The following LINGO2 variants were observed in gnomAD, a reference collection of about 807,000 sequenced individuals.
LINGO2 encodes the protein leucine rich repeat and Ig domain containing 2.
A neutral mutation model predicts 30.6 loss-of-function variants in LINGO2; 14 were observed. The ratio of observed to expected loss-of-function variants is 0.46; its 90% CI spans 0.30 to 0.72. LINGO2 has a LOEUF of 0.72. Ranked by LOEUF, LINGO2 falls within the 30% of genes least tolerant of loss-of-function variation. The pLI, the probability that LINGO2 is intolerant of heterozygous loss-of-function variation, is 0.07. For synonymous variants in LINGO2, 317 were observed against 288.5 expected, an observed-to-expected ratio of 1.10 and a Z score of -1.00; for missense variants, 729 against 751.7, an observed-to-expected ratio of 0.97 and a Z score of 0.35.
intron 4 of LINGO2, among the ~76,000 whole-genome samples, chr9:28,157,259 C>A (rs1828157704): frequency 6.6e-6 from 1 of 152,168 alleles, no homozygotes; most frequent in African/African-American, 2.4e-5. Context: ...TCTGTGCACC[C>A]ACACGCTCAA....
At chr9:28,222,448 C>A (rs1820998951) in intron 4 of LINGO2, among the ~76,000 whole-genome samples, 1 of 151,878 alleles carries the variant, frequency 6.6e-6, no homozygotes, top group Non-Finnish European at 1.5e-5. Flanking sequence ...ACAAAAAACC[C>A]ATTGGCATAC....
chr9:28,446,001 T>C (rs961877048), intron 2 of LINGO2, among the ~76,000 whole-genome samples: 1 of 152,214 alleles, frequency 6.6e-6, no homozygotes, highest in African/African-American at 2.4e-5. Flanking sequence ...TTTGAGGATA[T>C]ATATCACAAT....
the LINGO2 span, among the ~76,000 whole-genome samples, chr9:28,932,556 A>G: frequency 6.6e-6 from 1 of 152,182 alleles, no homozygotes; most frequent in Non-Finnish European, 1.5e-5. Context: ...TGACATAGGC[A>G]CTTTTAAATC....
At chr9:28,110,081 A>G (rs12115724) in intron 4 of LINGO2, among the ~76,000 whole-genome samples, 34,448 of 152,090 alleles carry the variant, frequency 0.23, 5,276 homozygotes, top group African/African-American at 0.44. Flanking sequence ...AGACCTCAGA[A>G]ATAACACCAC....
intron 1 of LINGO2, among the ~76,000 whole-genome samples, chr9:28,605,416 T>C (rs1307717385): frequency 6.6e-6 from 1 of 151,970 alleles, no homozygotes; most frequent in African/African-American, 2.4e-5. Flanking sequence ...GACTCTGAAA[T>C]GTTAATTCCC....
intron 1 of LINGO2, among the ~76,000 whole-genome samples, chr9:28,634,287 G>A (rs2087790645): frequency 6.6e-6 from 1 of 152,024 alleles, no homozygotes; most frequent in South Asian, 2.1e-4. Flanking sequence ...AGGGAATGTT[G>A]TGTAACTATC....
chr9:28,853,249 T>C, the LINGO2 span, among the ~76,000 whole-genome samples: 1 of 152,042 alleles, frequency 6.6e-6, no homozygotes, highest in Non-Finnish European at 1.5e-5. Flanking sequence ...AAAGTCCTTT[T>C]GAAACTCCAG....
intron 4 of LINGO2, among the ~76,000 whole-genome samples, chr9:28,141,504 G>C (rs1481496298): frequency 6.6e-6 from 1 of 152,140 alleles, no homozygotes; most frequent in Non-Finnish European, 1.5e-5. Context: ...AATAATTTAA[G>C]GGATTCAAGA....
At chr9:28,647,881 TTTTC>T (rs1161540376) in intron 1 of LINGO2, among the ~76,000 whole-genome samples, 3 of 113,238 alleles carry the variant, frequency 2.6e-5, no homozygotes, top group Non-Finnish European at 5.3e-5. Context: ...TGATATTTCT[TTTTC>T]TTTCTTTCTT....
chr9:28,058,662 T>C (rs1825039452), intron 4 of LINGO2, among the ~76,000 whole-genome samples: 1 of 152,132 alleles, frequency 6.6e-6, no homozygotes. Context: ...ATTTCTATTA[T>C]AAACATTCAG....
At chr9:27,938,044 T>C in the LINGO2 span, 1 of 152,176 alleles carries the variant, frequency 6.6e-6, no homozygotes, top group African/African-American at 2.4e-5. Context: ...CCCTTGAAGA[T>C]ATCCATTCAA....
chr9:29,099,011 T>TG, the LINGO2 span, among the ~76,000 whole-genome samples: 1 of 152,112 alleles, frequency 6.6e-6, no homozygotes, highest in Admixed American at 6.5e-5. Flanking sequence ...CAAAACAGTA[T>TG]AGCACTGGCA....
intron 1 of LINGO2, among the ~76,000 whole-genome samples, chr9:28,625,772 A>G (rs1826635268): frequency 6.6e-6 from 1 of 152,122 alleles, no homozygotes; most frequent in Admixed American, 6.6e-5. Flanking sequence ...AAAGAAAGAT[A>G]TTAATGTAGT....
At chr9:29,000,954 A>G in the LINGO2 span, among the ~76,000 whole-genome samples, 1 of 152,020 alleles carries the variant, frequency 6.6e-6, no homozygotes, top group African/African-American at 2.4e-5. Context: ...AATTTAAGGA[A>G]TAATATCAGA....
the LINGO2 span, among the ~76,000 whole-genome samples, chr9:28,693,692 G>C: frequency 6.6e-6 from 1 of 152,096 alleles, no homozygotes; most frequent in Non-Finnish European, 1.5e-5. Flanking sequence ...GCTCTGAAAT[G>C]TCAGGGCAAT....
chr9:28,400,197 T>C (rs773179792), intron 2 of LINGO2, among the ~76,000 whole-genome samples: 1 of 152,104 alleles, frequency 6.6e-6, no homozygotes, highest in African/African-American at 2.4e-5. Context: ...GCCTATTTTG[T>C]GAAGAGAATT....
the LINGO2 span, among the ~76,000 whole-genome samples, chr9:29,160,440 T>A: frequency 5.9e-5 from 9 of 152,244 alleles, no homozygotes; most frequent in South Asian, 1.7e-3. Flanking sequence ...TTTCAGAGTG[T>A]TTGTGAAAAT....
At position 28,292,889 on chromosome 9, in the gene LINGO2, G is replaced by A. The variant is rs10968443; in HGVS notation, c.-87+2319C>T. On this transcript the variant is annotated intron_variant, in intron 4 of 5. Coordinates refer to ENST00000379992, the Ensembl canonical transcript of LINGO2. ...GGGTTCATGCCATTCTCCTGTCTCA[G>A]CCTCCTGAGTAGCTGGGACTACAGG... Among the ~76,000 whole-genome samples, 2,437 of 151,940 alleles carry A rather than the reference G, an allele frequency of 0.016. 144 individuals are homozygous for A. The East Asian group carries it at 0.2, about 12-fold the overall frequency.
chr9:28,819,979 C>G, the LINGO2 span, among the ~76,000 whole-genome samples: 1 of 152,228 alleles, frequency 6.6e-6, no homozygotes, highest in African/African-American at 2.4e-5. Flanking sequence ...ATCAAATGGT[C>G]GTATTCTGCT....
Sources: gnomAD v4.1 joint callset for allele counts (sites outside exome capture counted in the v4.1 genomes callset) on GRCh38, gnomAD v4.1.1 for gene constraint, MANE v1.5 for transcripts, NCBI Gene and HGNC (gene_info 2026-07-23, HGNC 2026-07-21) for gene names.